Variants in LRRC28 observed in about 807,000 individuals in gnomAD.
LRRC28 encodes the protein leucine rich repeat containing 28.
A neutral mutation model predicts 45.7 loss-of-function variants in LRRC28; 39 were observed. The observed-to-expected ratio is 0.85, with a 90% CI of 0.66 to 1.12. LRRC28 has a LOEUF of 1.12. LRRC28 is among the 50% of genes most tolerant of loss of function. The pLI is 0.00. For synonymous variants in LRRC28, 206 were observed against 178.8 expected, an observed-to-expected ratio of 1.15 and a Z score of -1.22; for missense variants, 435 against 438.5, an observed-to-expected ratio of 0.99 and a Z score of 0.07.
chr15:99,333,114 A>C (rs1956210582), intron 5 of LRRC28, among the ~76,000 whole-genome samples: 1 of 152,172 alleles, frequency 6.6e-6, no homozygotes, highest in Admixed American at 6.5e-5. Context: ...TCCTTCCCCT[A>C]AAATGGTGAT....
intron 3 of LRRC28, among the ~76,000 whole-genome samples, chr15:99,284,161 C>T (rs535589953): frequency 8.1e-4 from 123 of 152,292 alleles, no homozygotes; most frequent in African/African-American, 2.9e-3. Flanking sequence ...GGTTCTTAAT[C>T]GGTTGTACAT....
intron 2 of LRRC28, among the ~76,000 whole-genome samples, chr15:99,257,030 T>G (rs2081042684): frequency 6.6e-6 from 1 of 152,210 alleles, no homozygotes; most frequent in Non-Finnish European, 1.5e-5. Flanking sequence ...TTGCTAAATA[T>G]CTGGAAATTG....
chr15:99,315,445 C>G (rs1955559636), intron 5 of LRRC28, among the ~76,000 whole-genome samples: 1 of 152,116 alleles, frequency 6.6e-6, no homozygotes, highest in African/African-American at 2.4e-5. Context: ...GTCACTACTA[C>G]TATCCTAAAA....
At chr15:99,375,556 C>A (rs921023856) in intron 9 of LRRC28, among the ~76,000 whole-genome samples, 2 of 152,086 alleles carry the variant, frequency 1.3e-5, no homozygotes. Flanking sequence ...AAAAATTTAT[C>A]TTTTTACTCT....
chr15:99,348,693 C>T (rs1956773327), intron 6 of LRRC28, among the ~76,000 whole-genome samples: 1 of 150,866 alleles, frequency 6.6e-6, no homozygotes, highest in African/African-American at 2.4e-5. Flanking sequence ...TGAGATGCCT[C>T]CAGTTTTATT....
chr15:99,342,261 C>T (rs1956539096), intron 6 of LRRC28, among the ~76,000 whole-genome samples: 1 of 152,204 alleles, frequency 6.6e-6, no homozygotes, highest in Non-Finnish European at 1.5e-5. Context: ...AGAACCAGCT[C>T]TCTCACCCTT....
At position 99,388,244 on chromosome 15, in the gene LRRC28, A is replaced by G. The variant is rs145737929; in HGVS notation, c.*2142A>G. ...TTTAAGTGACAGTAAATGTCTTGCT[A>G]CATTTTTCTATTTCATCCTCTACAA... On this transcript the variant is annotated 3_prime_UTR_variant, in exon 10 of 10. Transcript: ENST00000301981. 2.5e-4 allele frequency: 38 copies of G among 152,340 alleles called. No homozygotes were observed. Among genetic ancestry groups the G allele is most frequent in the African/African-American group, 8.7e-4 (36 of 41,584 alleles). 9.4% of individuals were successfully genotyped at this position (152,340 alleles called of 1,614,324 possible).
intron 6 of LRRC28, among the ~76,000 whole-genome samples, chr15:99,346,422 T>C (rs928206258): frequency 2.6e-5 from 4 of 152,252 alleles, no homozygotes; most frequent in Admixed American, 1.3e-4. Context: ...TGTTTACTTT[T>C]GTTTTATGAT....
At chr15:99,369,559 G>A (rs148113348) in intron 9 of LRRC28, among the ~76,000 whole-genome samples, 1,650 of 152,246 alleles carry the variant, frequency 0.011, 28 homozygotes, top group African/African-American at 0.037. Flanking sequence ...TGCAGTCTTA[G>A]GGAGAATACC....
intron 6 of LRRC28, among the ~76,000 whole-genome samples, chr15:99,334,856 G>A (rs1017143426): frequency 6.6e-6 from 1 of 152,046 alleles, no homozygotes; most frequent in African/African-American, 2.4e-5. Flanking sequence ...ACTCATAAAA[G>A]CATTTTTATA....
chr15:99,357,799 CTT>C (rs1398623698), intron 7 of LRRC28, among the ~76,000 whole-genome samples: 1 of 151,812 alleles, frequency 6.6e-6, no homozygotes, highest in Non-Finnish European at 1.5e-5. Flanking sequence ...TTAAGAGAAA[CTT>C]TTGATGATTT....
At chr15:99,270,400 C>T (rs1383349709) in intron 2 of LRRC28, among the ~76,000 whole-genome samples, 1 of 152,100 alleles carries the variant, frequency 6.6e-6, no homozygotes, top group Non-Finnish European at 1.5e-5. Flanking sequence ...AAACCCCTCA[C>T]CCATTAAGCA....
At chr15:99,309,376 T>C (rs1219601334) in intron 5 of LRRC28, among the ~76,000 whole-genome samples, 1 of 123,134 alleles carries the variant, frequency 8.1e-6, no homozygotes, top group African/African-American at 3.5e-5. Flanking sequence ...AACTAGTCTT[T>C]ATTTGTGTGT....
intron 5 of LRRC28, among the ~76,000 whole-genome samples, chr15:99,316,993 A>G (rs921482482): frequency 7.0e-6 from 1 of 142,324 alleles, no homozygotes; most frequent in African/African-American, 2.6e-5. Context: ...TGAGCCACCT[A>G]CTGGGCCTTT....
At chr15:99,259,636 T>C in intron 2 of LRRC28, 1 of 1,460,064 alleles carries the variant, frequency 6.8e-7, no homozygotes, top group Non-Finnish European at 9.6e-7. Context: ...AGGGCATCTC[T>C]ACAAATTACC....
At position 99,276,561 on chromosome 15, in the gene LRRC28, G is replaced by C; in HGVS notation, c.169-15G>C. 2 of 1,546,016 alleles carry C rather than the reference G, an allele frequency of 1.3e-6. No individual in the cohort carries two copies. Among genetic ancestry groups the C allele is most frequent in the Non-Finnish European group, 8.7e-7 (1 of 1,153,152 alleles). ...TTTCAAAAATAAAATTTAATTCTGA[G>C]TTTTTAATTTTCAGCCAGAAAACCT... On this transcript the variant is annotated splice_polypyrimidine_tract_variant and intron_variant, in intron 2 of 9. Coordinates refer to ENST00000301981, the MANE Select transcript of LRRC28 (RefSeq NM_144598.5).
intron 7 of LRRC28, among the ~76,000 whole-genome samples, chr15:99,358,541 A>G (rs1318543929): frequency 1.3e-5 from 2 of 152,204 alleles, no homozygotes; most frequent in Non-Finnish European, 2.9e-5. Flanking sequence ...TCTATAAAGT[A>G]TTGTAATCAA....
intron 7 of LRRC28, among the ~76,000 whole-genome samples, chr15:99,354,805 T>C (rs1956998081): frequency 6.6e-6 from 1 of 152,218 alleles, no homozygotes; most frequent in Admixed American, 6.5e-5. Flanking sequence ...TTCACTGCTA[T>C]CATATGTTGC....
chr15:99,328,992 A>G (rs2175225), intron 5 of LRRC28, among the ~76,000 whole-genome samples: 76,171 of 151,552 alleles, frequency 0.5, 20,417 homozygotes, highest in African/African-American at 0.72. Context: ...ACTGATTCCC[A>G]TAATAAATCC....
Sources: allele counts gnomAD v4.1 joint callset (sites outside exome capture counted in the v4.1 genomes callset), GRCh38; gene constraint gnomAD v4.1.1; transcripts MANE v1.5; gene names NCBI Gene and HGNC (gene_info 2026-07-23, HGNC 2026-07-21).